The following FBN3 variants were observed in gnomAD, a reference collection of about 807,000 sequenced individuals.
The protein encoded by FBN3 is fibrillin 3.
A neutral mutation model predicts 330.1 loss-of-function variants in FBN3; 234 were observed. The observed-to-expected ratio is 0.71, with a 90% CI of 0.64 to 0.79. The LOEUF is 0.79. Ranked by LOEUF, FBN3 falls within the 30% of genes least tolerant of loss-of-function variation. The pLI is 0.00. For missense variants in FBN3, 3,606 were observed against 3,886.9 expected, an observed-to-expected ratio of 0.93 and a Z score of 1.92; for synonymous variants, 1,458 against 1,517.3, an observed-to-expected ratio of 0.96 and a Z score of 0.91.
In FBN3 at chr19:8,072,189, G is replaced by C; in HGVS notation, c.7947C>G (p.Val2649=). ...GTCCGGGGCTGAAGCCCAGGCCGGA[G>C]ACACAGTGCCTGGGCCAGGATGGGC... The part of the protein sequence containing the change: ...GYFRAGQGHC[V]SGLGFSPGPQ... The change falls in exon 63 of 64, where the codon GTC becomes GTG. Residue 2649 remains valine, a synonymous_variant. Coordinates refer to ENST00000600128, the MANE Select transcript of FBN3 (RefSeq NM_032447.5). 6.4e-7 allele frequency: 1 copy of C among 1,551,006 alleles called. No individual in the cohort carries two copies. Among genetic ancestry groups the C allele is most frequent in the African/African-American group, 1.4e-5 (1 of 72,398 alleles).
chr19:8,083,313 GGC>G lies in FBN3; in HGVS notation c.7145_7146del (p.Ser2382ThrfsTer26), dbSNP rs775232505. On this transcript the variant is annotated frameshift_variant, in exon 57 of 64. Transcript: ENST00000600128. LOFTEE classifies it high-confidence loss of function. ...TGACAGTGGCAGCGGAAGGAGCCAA[GGC>G]TGTTGATGCACTCCCCATGAGCACA... Reference protein sequence around the residue: ...HLCAHGECINSLGSFRCHCQA... With the variant: ...HLCAHGECINXLGSFRCHCQA... 1.2e-6 allele frequency: 2 copies of G among 1,614,124 alleles called. No individual in the cohort carries two copies. The highest frequency in any genetic ancestry group is 1.7e-6 in the Non-Finnish European group (2 of 1,180,000).
In FBN3 at chr19:8,096,113, T is replaced by A. The variant is rs2144728405; in HGVS notation, c.5540-33A>T. 6.5e-7 allele frequency: 1 copy of A among 1,539,114 alleles called. No homozygotes were observed. The highest frequency in any genetic ancestry group is 9.0e-7 in the Non-Finnish European group (1 of 1,112,144). On this transcript the variant is annotated intron_variant, in intron 44 of 63. Transcript: ENST00000600128. This position sits in a 1 kb window ranked among gnomAD's most constrained non-coding sequence, Gnocchi z 4.6. ...AGCAAAGCCGAGAGCCCAACCCAGC[T>A]CACCCAGGGCATTGGGGAACTTGGG...
chr19:8,088,855 G>GTGAATGAGTGAATGAGTAAA (rs1353203570), intron 51 of FBN3, among the ~76,000 whole-genome samples: 1 of 151,888 alleles, frequency 6.6e-6, no homozygotes, highest in African/African-American at 2.4e-5. Flanking sequence ...GAGCAAACGA[G>GTGAATGAGTGAATGAGTAAA]TGAATGAGTG....
chr19:8,135,936 G>GGACCCCCCC, intron 13 of FBN3, 25 bp downstream of exon 13: 2 of 668,776 alleles, frequency 3.0e-6, no homozygotes, highest in Non-Finnish European at 4.8e-6. Flanking sequence ...GGAAGCCCCT[G>GGACCCCCCC]CCCACCCGCC....
At position 8,071,782 on chromosome 19, in the gene FBN3, C is replaced by T. The variant is rs549570992; in HGVS notation, c.8088+266G>A. 5.3e-5 allele frequency among the ~76,000 whole-genome samples: 8 copies of T among 152,198 alleles called. No homozygotes were observed. In the East Asian group the frequency reaches 1.6e-3, roughly 30 times the overall value. On this transcript the variant is annotated intron_variant, in intron 63 of 63. Transcript: ENST00000600128. ...GAAAGCATCACAGCCCGGCCAGGGT[C>T]TGTATGGAAGACGCCTGACTTGTCA...
rs2082059747 is a variant in FBN3 at position 8,090,085 on chromosome 19, G to A, written c.6184+14C>T. ...CACATCATCCAGGGAGCCTGGACAGGGGTGGGCACTCACCGCTGCCCTCCT... is the reference window on the plus strand; with the variant it reads ...CACATCATCCAGGGAGCCTGGACAGAGGTGGGCACTCACCGCTGCCCTCCT... On this transcript the variant is annotated intron_variant, in intron 49 of 63. Coordinates refer to ENST00000600128, the MANE Select transcript of FBN3 (RefSeq NM_032447.5). 1.2e-6 allele frequency: 2 copies of A among 1,612,432 alleles called. No individual in the cohort carries two copies. Among genetic ancestry groups the A allele is most frequent in the Non-Finnish European group, 1.7e-6 (2 of 1,179,198 alleles).
At chr19:8,089,796 G>A (rs2082052071) in intron 50 of FBN3, 98 bp downstream of exon 50, 18 of 1,537,470 alleles carry the variant, frequency 1.2e-5, no homozygotes, top group Non-Finnish European at 1.6e-5. Flanking sequence ...GGGCCACCCA[G>A]GCTCTCAGGG....
Position 8,110,893 on chromosome 19 carries a change from T to C in FBN3, c.4285A>G (p.Ile1429Val), listed in dbSNP as rs1948070321. The change falls in exon 34 of 64, where the codon ATC becomes GTC. Residue 1429 changes from isoleucine (I) to valine (V), a missense_variant. Physicochemically the swap from Ile to Val is conservative, Grantham distance 29. Coordinates refer to ENST00000600128, the MANE Select transcript of FBN3 (RefSeq NM_032447.5). ...CENLPGMFRC[I>V]CNGGYELDRG... ...TCCAGTTCGTAGCCACCATTGCAGATGCAGCGGAACATTCCAGGCAGGTTC... is the reference window on the plus strand; with the variant it reads ...TCCAGTTCGTAGCCACCATTGCAGACGCAGCGGAACATTCCAGGCAGGTTC... 1 of 1,614,234 alleles carries C rather than the reference T, an allele frequency of 6.2e-7. No individual in the cohort carries two copies. Among genetic ancestry groups the C allele is most frequent in the African/African-American group, 1.3e-5 (1 of 75,066 alleles).
At position 8,100,937 on chromosome 19, in the gene FBN3, C is replaced by T. The variant is rs1599341327; in HGVS notation, c.5125G>A (p.Gly1709Arg). Residue 1709 changes from glycine (G) to arginine (R), a missense_variant, in exon 41 of 64, where the codon GGA (glycine) becomes AGA (arginine). By Grantham distance (125) the Gly-to-Arg change is moderately radical. Transcript: ENST00000600128. The stretch of plus-strand genomic sequence containing the variant: ...CCCGTGTGGATGTCAGTGAGGAATC[C>T]CGGGGCCTGATTTCCACACAGGATC... ...YQILCGNQAP[G>R]FLTDIHTGKP... The T allele has an allele frequency of 1.2e-6, 2 of 1,613,814 alleles. No homozygotes were observed. Among genetic ancestry groups the T allele is most frequent in the Non-Finnish European group, 1.7e-6 (2 of 1,179,888 alleles).
chr19:8,131,675 G>C lies in FBN3; in HGVS notation c.1869C>G (p.Ala623=), dbSNP rs768480476. The C allele has an allele frequency of 1.5e-5, 25 of 1,614,122 alleles. No individual in the cohort carries two copies. The East Asian group carries it at 5.6e-4, about 36-fold the overall frequency. The part of the protein sequence containing the change: ...DTHVRSTCYG[A]IEKGSCARPF... Reference sequence around the variant, plus strand: ...GGCGGGCACAGGAGCCCTTCTCGATGGCCCCATAGCAGGTGCTGCGCACGT... The same window carrying C: ...GGCGGGCACAGGAGCCCTTCTCGATCGCCCCATAGCAGGTGCTGCGCACGT... The change falls in exon 15 of 64, where the codon GCC becomes GCG. Residue 623 remains alanine (A), a synonymous_variant. Coordinates refer to ENST00000600128, the MANE Select transcript of FBN3 (RefSeq NM_032447.5). The surrounding 1 kb of genome is among the most constrained non-coding windows in gnomAD (Gnocchi z 4.5).
chr19:8,128,111 C>T (rs2083038404), intron 18 of FBN3, among the ~76,000 whole-genome samples: 1 of 152,244 alleles, frequency 6.6e-6, no homozygotes, highest in Admixed American at 6.5e-5. Context: ...CGTGCCTGCT[C>T]TCGGCATGCC....
intron 8 of FBN3, among the ~76,000 whole-genome samples, chr19:8,140,744 G>T (rs2145033995): frequency 6.6e-6 from 1 of 151,990 alleles, no homozygotes; most frequent in East Asian, 1.9e-4. Flanking sequence ...GGGAGCCCCA[G>T]ACTGATTCCA....
In FBN3 at chr19:8,131,918, G is replaced by T; in HGVS notation, c.1715-89C>A. 7.3e-7 allele frequency: 1 copy of T among 1,363,448 alleles called. No individual in the cohort carries two copies. The allele number at this position is 1,363,448 out of a possible 1,614,324, so 84.5% of individuals were successfully genotyped here. On this transcript the variant is annotated intron_variant, in intron 14 of 63. Transcript: ENST00000600128. This position sits in a 1 kb window ranked among gnomAD's most constrained non-coding sequence, Gnocchi z 4.5. ...ATCTCCCAACATTTCCATCTTCCCA[G>T]CCATTCTATTTCTTTCCTTTCCAGT...
Position 8,086,462 on chromosome 19 carries a change from A to T in FBN3, c.6755-137T>A, listed in dbSNP as rs543688939. On this transcript the variant is annotated intron_variant, in intron 54 of 63. Transcript: ENST00000600128. ...TTTATTTATTTTTATTATTATTATT[A>T]TTATTATTTTTTGAGACAGAGTCTC... 3.5e-3 allele frequency: 992 copies of T among 279,460 alleles called. 7 individuals carry two copies. Among genetic ancestry groups the T allele is most frequent in the African/African-American group, 0.011 (379 of 36,000 alleles). The allele number at this position is 279,460 out of a possible 1,614,324, so 17.3% of individuals were successfully genotyped here.
In FBN3 at chr19:8,123,801, C is replaced by A; in HGVS notation, c.2939G>T (p.Gly980Val). 1.2e-6 allele frequency: 2 copies of A among 1,613,394 alleles called. No homozygotes were observed. Among genetic ancestry groups the A allele is most frequent in the Non-Finnish European group, 1.7e-6 (2 of 1,179,934 alleles). The change falls in exon 23 of 64, where the codon GGC (glycine) becomes GTC (valine). Residue 980 changes from glycine (G) to valine (V), a missense_variant. Transcript: ENST00000600128. ...LGFASRDFLS[G>V]RPFYKDVNEC... Reference sequence around the variant, plus strand: ...AACCGCACCTTTATAGAATGGTCGGCCAGACAGGAAGTCCCGGCTGGCGAA... The same window carrying A: ...AACCGCACCTTTATAGAATGGTCGGACAGACAGGAAGTCCCGGCTGGCGAA...
At chr19:8,106,396 GA>G (rs1444656376) in intron 37 of FBN3, among the ~76,000 whole-genome samples, 163 bp from the exon 38 acceptor site, 1 of 152,216 alleles carries the variant, frequency 6.6e-6, no homozygotes, top group African/African-American at 2.4e-5. Flanking sequence ...GCTGGACACA[GA>G]TTCTCTTGAG....
intron 13 of FBN3, 25 bp downstream of exon 13, chr19:8,135,936 G>GGGGGGGGGGGCCCCCCCCCCCCCCCCCCC: frequency 3.0e-6 from 2 of 668,768 alleles, no homozygotes; most frequent in Non-Finnish European, 4.8e-6. Context: ...GGAAGCCCCT[G>GGGGGGGGGGGCCCCCCCCCCCCCCCCCCC]CCCACCCGCC....
At chr19:8,067,855 G>A (rs2081426057) in intron 63 of FBN3, among the ~76,000 whole-genome samples, 1 of 152,088 alleles carries the variant, frequency 6.6e-6, no homozygotes, top group Non-Finnish European at 1.5e-5. Flanking sequence ...TTGAGCCCAG[G>A]AGTTCGAGAC....
rs1393351939 is a variant in FBN3 at position 8,126,725 on chromosome 19, T to C, written c.2404A>G (p.Thr802Ala). 6.3e-7 allele frequency: 1 copy of C among 1,588,280 alleles called. No individual in the cohort carries two copies. The change falls in exon 19 of 64, where the codon ACC becomes GCC. Residue 802 changes from threonine (T) to alanine (A), a missense_variant. Thr to Ala is a moderately conservative substitution (Grantham distance 58). Transcript: ENST00000600128. Reference sequence around the variant, plus strand: ...CGGGGCCGCTCACCTAGACAGAAGGTACCAGAGGGGTCCAGCCGGCTGCCA... The same window carrying C: ...CGGGGCCGCTCACCTAGACAGAAGGCACCAGAGGGGTCCAGCCGGCTGCCA... Reference protein sequence around the residue: ...GPGSRLDPSGTFCLDSTKGTC... With the variant: ...GPGSRLDPSGAFCLDSTKGTC...
Sources: gnomAD v4.1 joint callset for allele counts (sites outside exome capture counted in the v4.1 genomes callset) on GRCh38, gnomAD v4.1.1 for gene constraint, Gnocchi (gnomAD v3.1) non-coding constraint, MANE v1.5 for transcripts, NCBI Gene and HGNC (gene_info 2026-07-23, HGNC 2026-07-21) for gene names.